CYP2J2: variants seen among roughly 807,000 people sequenced by gnomAD.
CYP2J2 encodes cytochrome P450 family 2 subfamily J member 2.
Under a neutral mutation model 48.8 loss-of-function variants are expected in CYP2J2, and 41 were observed. The observed-to-expected ratio is 0.84, with a 90% CI of 0.66 to 1.09. The LOEUF is 1.09. Among genes scored for constraint, CYP2J2 ranks in the 50% least tolerant of loss-of-function variants. CYP2J2 has a pLI of 0.00. For synonymous variants in CYP2J2, 221 were observed against 227.1 expected (o/e 0.97, Z 0.24); for missense variants, 644 against 617.3 (o/e 1.04, Z -0.46).
At chr1:59,945,237 T>C in the CYP2J2 span, among the ~76,000 whole-genome samples, 2 of 152,172 alleles carry the variant, frequency 1.3e-5, no homozygotes, top group Non-Finnish European at 2.9e-5. Context: ...ATTTTTGCTG[T>C]AATATTTTTG....
upstream of CYP2J2, among the ~76,000 whole-genome samples, chr1:59,928,223 A>T (rs1428039109): frequency 1.3e-5 from 2 of 152,180 alleles, no homozygotes; most frequent in East Asian, 3.8e-4. Context: ...GATGCAGGGG[A>T]ATGACTTCCA....
intron 1 of CYP2J2, among the ~76,000 whole-genome samples, chr1:59,922,019 T>C (rs1247486044): frequency 6.6e-6 from 1 of 152,190 alleles, no homozygotes; most frequent in Non-Finnish European, 1.5e-5. Flanking sequence ...TAATAATAAA[T>C]GCTGGTATAT....
chr1:59,899,339 G>A (rs182963569), intron 8 of CYP2J2, among the ~76,000 whole-genome samples: 36 of 152,262 alleles, frequency 2.4e-4, no homozygotes, highest in African/African-American at 7.5e-4. Flanking sequence ...CAGTGTGAGC[G>A]GAGGTGACAG....
At chr1:59,913,605 A>G (rs1371832833) in intron 2 of CYP2J2, among the ~76,000 whole-genome samples, 1 of 152,014 alleles carries the variant, frequency 6.6e-6, no homozygotes, top group African/African-American at 2.4e-5. Flanking sequence ...CACCTACATC[A>G]TCATGTCTTA....
chr1:59,933,204 C>A, the CYP2J2 span, among the ~76,000 whole-genome samples: 1 of 151,932 alleles, frequency 6.6e-6, no homozygotes, highest in Non-Finnish European at 1.5e-5. Flanking sequence ...TCTAAGGCAA[C>A]CTTAAACAAG....
At chr1:59,921,590 T>C (rs1644515980) in intron 1 of CYP2J2, among the ~76,000 whole-genome samples, 2 of 151,960 alleles carry the variant, frequency 1.3e-5, no homozygotes, top group Non-Finnish European at 2.9e-5. Flanking sequence ...TTGCCACGGC[T>C]CTTCTAGGTC....
intron 2 of CYP2J2, 63 bp from the exon 3 acceptor site, chr1:59,912,374 A>G (rs1410868663): frequency 6.6e-7 from 1 of 1,521,642 alleles, no homozygotes; most frequent in Non-Finnish European, 9.0e-7. Context: ...CCAGCAAATG[A>G]TATGGGAATG....
chr1:59,914,985 C>G (rs990438225), intron 2 of CYP2J2, among the ~76,000 whole-genome samples: 5 of 152,214 alleles, frequency 3.3e-5, no homozygotes, highest in Non-Finnish European at 7.3e-5. Flanking sequence ...CAACGCTGCT[C>G]TGTTACTCTT....
At chr1:59,936,084 C>G in the CYP2J2 span, among the ~76,000 whole-genome samples, 1 of 152,214 alleles carries the variant, frequency 6.6e-6, no homozygotes. Flanking sequence ...TACTCTCTTA[C>G]ACTTGAGATG....
the CYP2J2 span, among the ~76,000 whole-genome samples, chr1:59,945,113 G>C: frequency 1.3e-5 from 2 of 151,962 alleles, no homozygotes; most frequent in Non-Finnish European, 2.9e-5. Context: ...TCACAGCTTT[G>C]TGTCATGCTT....
chr1:59,944,222 A>ATATT, the CYP2J2 span, among the ~76,000 whole-genome samples: 1 of 152,028 alleles, frequency 6.6e-6, no homozygotes, highest in Non-Finnish European at 1.5e-5. Flanking sequence ...GTTTGTAGTC[A>ATATT]TATTTATTTA....
chr1:59,965,763 T>C, the CYP2J2 span, among the ~76,000 whole-genome samples: 1 of 152,156 alleles, frequency 6.6e-6, no homozygotes, highest in East Asian at 1.9e-4. Flanking sequence ...GCTATTCTCA[T>C]GTCTCAGGCT....
chr1:59,919,071 A>G (rs921744100), intron 1 of CYP2J2, among the ~76,000 whole-genome samples: 1 of 152,148 alleles, frequency 6.6e-6, no homozygotes, highest in Non-Finnish European at 1.5e-5. Context: ...AAAAGAGTGT[A>G]CTAATTCACA....
chr1:59,941,793 CAT>C, the CYP2J2 span, among the ~76,000 whole-genome samples: 1 of 145,140 alleles, frequency 6.9e-6, no homozygotes, highest in African/African-American at 2.6e-5. Context: ...TGTATAATGA[CAT>C]AAAGAAATGA....
At chr1:59,944,743 ATTAT>A in the CYP2J2 span, among the ~76,000 whole-genome samples, 1 of 152,012 alleles carries the variant, frequency 6.6e-6, no homozygotes. Flanking sequence ...TTTCAATTTT[ATTAT>A]TTATTATTTT....
intron 2 of CYP2J2, 121 bp from the exon 3 acceptor site, chr1:59,912,432 G>T (rs1644426317): frequency 9.4e-7 from 1 of 1,061,590 alleles, no homozygotes; most frequent in Non-Finnish European, 1.4e-6. Flanking sequence ...CTTGAAAACT[G>T]CCCAGAGAAA....
chr1:59,955,489 C>T, the CYP2J2 span, among the ~76,000 whole-genome samples: 11,496 of 151,828 alleles, frequency 0.076, 464 homozygotes, highest in African/African-American at 0.11. Context: ...GACATTTTGA[C>T]GAGGAGCAGG....
intron 7 of CYP2J2, among the ~76,000 whole-genome samples, chr1:59,903,468 A>G (rs1559073217): frequency 6.6e-6 from 1 of 152,194 alleles, no homozygotes; most frequent in African/African-American, 2.4e-5. Flanking sequence ...AATGGGAGGT[A>G]AACATCGGAT....
At chr1:59,951,363 T>C in the CYP2J2 span, among the ~76,000 whole-genome samples, 1 of 152,340 alleles carries the variant, frequency 6.6e-6, no homozygotes, top group Admixed American at 6.5e-5. Context: ...CCTGTTTTTC[T>C]AAGCTTGAAA....
Sources: allele counts gnomAD v4.1 joint callset (sites outside exome capture counted in the v4.1 genomes callset), GRCh38; gene constraint gnomAD v4.1.1; transcripts MANE v1.5; gene names NCBI Gene and HGNC (gene_info 2026-07-23, HGNC 2026-07-21).